YTHDC2: variants seen among roughly 807,000 people sequenced by gnomAD.
The protein encoded by YTHDC2 is 3'-5' RNA helicase YTHDC2.
YTHDC2 carries 45 observed loss-of-function variants against 174.9 expected under a neutral mutation model. The ratio of observed to expected loss-of-function variants is 0.26; its 90% CI spans 0.20 to 0.33. The LOEUF is 0.33. YTHDC2 is among the 10% of genes least tolerant of loss of function. YTHDC2 has a pLI of 1.00. For synonymous variants in YTHDC2, 657 were observed against 574.5 expected (o/e 1.14, Z -2.05); for missense variants, 1,650 against 1,723.7 (o/e 0.96, Z 0.76).
rs1019035991 is a variant in YTHDC2 at position 113,592,287 on chromosome 5, T to G, written c.4212+109T>G. Reference sequence around the variant, plus strand: ...AAGAGTACAAATTTTATATTCCATATGCACATGGGAAACAGGGGTTCAGGT... The same window carrying G: ...AAGAGTACAAATTTTATATTCCATAGGCACATGGGAAACAGGGGTTCAGGT... On this transcript the variant is annotated intron_variant, in intron 28 of 29. Coordinates refer to ENST00000161863, the MANE Select transcript of YTHDC2 (RefSeq NM_022828.5). The G allele has an allele frequency of 2.7e-6, 3 of 1,110,642 alleles. No individual in the cohort carries two copies. The East Asian group carries it at 8.2e-5, about 30-fold the overall frequency. The allele number at this position is 1,110,642 out of a possible 1,614,324, so 68.8% of individuals were successfully genotyped here.
chr5:113,526,128 AT>A (rs1774220716), intron 3 of YTHDC2, among the ~76,000 whole-genome samples: 1 of 152,008 alleles, frequency 6.6e-6, no homozygotes, highest in Non-Finnish European at 1.5e-5. Context: ...TTTTTGTAAT[AT>A]GTTTTCGTAA....
chr5:113,576,894 A>G (rs1187411958), intron 23 of YTHDC2, among the ~76,000 whole-genome samples: 2 of 152,102 alleles, frequency 1.3e-5, no homozygotes, highest in African/African-American at 2.4e-5. Context: ...ATCTTTTCCT[A>G]TACTATTCAC....
At chr5:113,542,643 T>A in intron 10 of YTHDC2, 140 bp downstream of exon 10, 1 of 689,566 alleles carries the variant, frequency 1.5e-6, no homozygotes, top group Non-Finnish European at 2.2e-6. Flanking sequence ...ATTTCAAATG[T>A]ACAAATCAGG....
intron 4 of YTHDC2, among the ~76,000 whole-genome samples, chr5:113,528,553 C>A (rs1375880982): frequency 6.6e-6 from 1 of 151,546 alleles, no homozygotes; most frequent in Non-Finnish European, 1.5e-5. Context: ...GACAGCGCTT[C>A]ACTCTGTCGC....
intron 17 of YTHDC2, among the ~76,000 whole-genome samples, chr5:113,560,844 C>G (rs890705579): frequency 6.6e-6 from 1 of 152,146 alleles, no homozygotes; most frequent in African/African-American, 2.4e-5. Flanking sequence ...TACCATAACC[C>G]TACAAGATGT....
intron 21 of YTHDC2, among the ~76,000 whole-genome samples, chr5:113,566,534 G>A (rs758032697): frequency 6.7e-6 from 1 of 148,346 alleles, no homozygotes; most frequent in Non-Finnish European, 1.5e-5. Context: ...AAATTGATGT[G>A]GTAGTCAGAA....
chr5:113,585,236 A>C (rs889235416), intron 26 of YTHDC2, among the ~76,000 whole-genome samples: 1 of 152,058 alleles, frequency 6.6e-6, no homozygotes, highest in African/African-American at 2.4e-5. Flanking sequence ...TTAGGAAGGT[A>C]GGAGATGTTG....
At position 113,545,798 on chromosome 5, in the gene YTHDC2, T is replaced by C. The variant is rs1195934593; in HGVS notation, c.1496-2743T>C. Among the ~76,000 whole-genome samples, 2 of 46,402 alleles carry C rather than the reference T, an allele frequency of 4.3e-5. 1 individual carries two copies. Among genetic ancestry groups the C allele is most frequent in the Admixed American group, 5.7e-4 (2 of 3,530 alleles). 30.4% of individuals were successfully genotyped at this position (46,402 alleles called of 152,430 possible). A position where few individuals can be genotyped will look rare whatever the true frequency, so the allele number is the denominator to read the frequency against. On this transcript the variant is annotated intron_variant, in intron 10 of 29. Transcript: ENST00000161863. ...CTCTGTTGCCCAGGCTGGAGTGCAG[T>C]GGCGGGATCTCGGCTCACTGCAAGC...
At chr5:113,522,973 G>A (rs758888284) in intron 2 of YTHDC2, among the ~76,000 whole-genome samples, 39 of 151,988 alleles carry the variant, frequency 2.6e-4, no homozygotes, top group Non-Finnish European at 5.2e-4. Context: ...TGCTTATTAT[G>A]AGGTTTTTTT....
At chr5:113,538,344 C>T (rs76981678) in intron 7 of YTHDC2, among the ~76,000 whole-genome samples, 3,080 of 152,204 alleles carry the variant, frequency 0.02, 117 homozygotes, top group African/African-American at 0.071. Flanking sequence ...GAGCTTAAAT[C>T]TTTGAATGAC....
At chr5:113,551,705 T>C (rs903322485) in intron 12 of YTHDC2, among the ~76,000 whole-genome samples, 1 of 152,152 alleles carries the variant, frequency 6.6e-6, no homozygotes, top group Non-Finnish European at 1.5e-5. Flanking sequence ...TGTATACCTA[T>C]GTAACAAACC....
chr5:113,588,154 G>A (rs1347012304), intron 26 of YTHDC2, among the ~76,000 whole-genome samples: 3 of 151,960 alleles, frequency 2.0e-5, no homozygotes, highest in Non-Finnish European at 4.4e-5. Flanking sequence ...TGATAATAAA[G>A]ATAATTTTAC....
intron 4 of YTHDC2, among the ~76,000 whole-genome samples, chr5:113,528,846 G>A (rs779340841): frequency 2.0e-5 from 3 of 152,140 alleles, no homozygotes. Context: ...GCCACCCTGT[G>A]TCACTGCATT....
chr5:113,562,149 T>TA (rs1470616447), intron 18 of YTHDC2, among the ~76,000 whole-genome samples: 1 of 149,598 alleles, frequency 6.7e-6, no homozygotes, highest in Non-Finnish European at 1.5e-5. Flanking sequence ...AACATCCATA[T>TA]ACCTAAGATG....
intron 10 of YTHDC2, among the ~76,000 whole-genome samples, chr5:113,547,045 C>G (rs763712648): frequency 1.1e-4 from 17 of 152,150 alleles, no homozygotes; most frequent in Admixed American, 3.9e-4. Context: ...CCACCTCTTT[C>G]ACGTTATTCT....
At chr5:113,579,735 C>T (rs1778282830) in intron 24 of YTHDC2, 40 bp downstream of exon 24, 1 of 1,546,068 alleles carries the variant, frequency 6.5e-7, no homozygotes, top group African/African-American at 1.4e-5. Context: ...TTCTTTCATT[C>T]AGTTAGTGTG....
chr5:113,585,218 G>T (rs1377560782), intron 26 of YTHDC2, among the ~76,000 whole-genome samples: 3 of 151,682 alleles, frequency 2.0e-5, no homozygotes, highest in African/African-American at 7.3e-5. Flanking sequence ...AAACAAGATG[G>T]GATAGGGTTA....
At position 113,593,642 on chromosome 5, in the gene YTHDC2, A is replaced by C. The variant is rs1779120935; in HGVS notation, c.*168A>C. 4 of 276,588 alleles carry C rather than the reference A, an allele frequency of 1.4e-5. No individual in the cohort carries two copies. The highest frequency in any genetic ancestry group is 2.7e-5 in the Non-Finnish European group (4 of 146,784). 17.1% of individuals were successfully genotyped at this position (276,588 alleles called of 1,614,324 possible). On this transcript the variant is annotated 3_prime_UTR_variant, in exon 30 of 30. Coordinates refer to ENST00000161863, the MANE Select transcript of YTHDC2 (RefSeq NM_022828.5). Reference sequence around the variant, plus strand: ...ATATACAGGAGAAAGGAAGCATTTAAATTTTTATAGTGATTATAGAGAATG... The same window carrying C: ...ATATACAGGAGAAAGGAAGCATTTACATTTTTATAGTGATTATAGAGAATG...
rs747581638 is a variant in YTHDC2 at position 113,525,201 on chromosome 5, C to T, written c.475+24C>T. On this transcript the variant is annotated intron_variant, in intron 3 of 29. Coordinates refer to ENST00000161863, the MANE Select transcript of YTHDC2 (RefSeq NM_022828.5). Reference sequence around the variant, plus strand: ...TGGTATGTATTTTCTGGGGAGCTTCCTCATTTACCCTATTATTTGATGACT... The same window carrying T: ...TGGTATGTATTTTCTGGGGAGCTTCTTCATTTACCCTATTATTTGATGACT... The T allele has an allele frequency of 2.0e-6, 3 of 1,519,590 alleles. No homozygotes were observed. In the South Asian group the frequency reaches 3.8e-5, roughly 19 times the overall value. The allele number at this position is 1,519,590 out of a possible 1,614,324, so 94.1% of individuals were successfully genotyped here.
Sources: gnomAD v4.1 joint callset for allele counts (sites outside exome capture counted in the v4.1 genomes callset) on GRCh38, gnomAD v4.1.1 for gene constraint, MANE v1.5 for transcripts, NCBI Gene and HGNC (gene_info 2026-07-23, HGNC 2026-07-21) for gene names.